The following PLCE1 variants were observed in gnomAD, a reference collection of about 807,000 sequenced individuals.
The protein encoded by PLCE1 is 1-phosphatidylinositol 4,5-bisphosphate phosphodiesterase epsilon-1.
PLCE1 carries 119 observed loss-of-function variants against 242.8 expected under a neutral mutation model. That is an observed-to-expected ratio of 0.49 (90% CI 0.42 to 0.57). PLCE1 has a LOEUF of 0.57. PLCE1 is among the 20% of genes least tolerant of loss of function. The pLI is 0.00. For synonymous variants in PLCE1, 945 were observed against 1,017.4 expected, an observed-to-expected ratio of 0.93 and a Z score of 1.35; for missense variants, 2,441 against 2,788.8, an observed-to-expected ratio of 0.88 and a Z score of 2.81.
intron 1 of PLCE1, among the ~76,000 whole-genome samples, chr10:94,023,473 A>G (rs1435674785): frequency 6.6e-6 from 1 of 152,182 alleles, no homozygotes; most frequent in Non-Finnish European, 1.5e-5. Flanking sequence ...ACAATGAAGG[A>G]GAGGGAGTCC....
chr10:94,245,816 T>C (rs1463176390), intron 7 of PLCE1, 130 bp from the exon 8 acceptor site: 1 of 779,428 alleles, frequency 1.3e-6, no homozygotes, highest in African/African-American at 1.7e-5. Flanking sequence ...TGCTATTTAG[T>C]ATTTTGTATT....
At chr10:94,061,182 CAG>C (rs1179147382) in intron 2 of PLCE1, among the ~76,000 whole-genome samples, 11 of 152,136 alleles carry the variant, frequency 7.2e-5, no homozygotes, top group Non-Finnish European at 4.4e-5. Context: ...TCTTCCTGAT[CAG>C]AGAGAACTTT....
At position 94,246,232 on chromosome 10, in the gene PLCE1, A is replaced by C. The variant is rs757617776; in HGVS notation, c.2707A>C (p.Ser903Arg). 3 of 1,614,070 alleles carry C rather than the reference A, an allele frequency of 1.9e-6. No homozygotes were observed. Among genetic ancestry groups the C allele is most frequent in the Non-Finnish European group, 2.5e-6 (3 of 1,180,018 alleles). Residue 903 changes from serine to arginine, a missense_variant, in exon 8 of 33, where the codon AGC becomes CGC. This residue lies in a region of PLCE1 where 733 missense variants were observed against 754.2 expected (regional missense o/e 0.97). Coordinates refer to ENST00000371380, the MANE Select transcript of PLCE1 (RefSeq NM_016341.4). ...WVKPTTASPA[S>R]SKAKLGVLNN... ...AAAGCCCACAACTGCCTCCCCAGCC[A>C]GCAGTAAAGCAAAACTTGGTGTACT...
At chr10:94,051,962 G>A (rs1037699194) in intron 2 of PLCE1, among the ~76,000 whole-genome samples, 3 of 152,208 alleles carry the variant, frequency 2.0e-5, no homozygotes, top group African/African-American at 7.2e-5. Flanking sequence ...TGAACAAACA[G>A]TTCATTGGTT....
chr10:94,224,710 G>C (rs2049880110), intron 4 of PLCE1, among the ~76,000 whole-genome samples: 1 of 152,250 alleles, frequency 6.6e-6, no homozygotes, highest in Non-Finnish European at 1.5e-5. Flanking sequence ...TCAAAAGCCA[G>C]TCAGACTAAA....
intron 3 of PLCE1, among the ~76,000 whole-genome samples, chr10:94,132,884 A>G (rs538391397): frequency 5.3e-4 from 76 of 143,424 alleles, no homozygotes; most frequent in African/African-American, 1.9e-3. Context: ...TGAGAGGTGG[A>G]GCTTGCAGTG....
chr10:94,215,367 C>T lies in PLCE1; in HGVS notation c.1810-11939C>T, dbSNP rs949790078. The stretch of plus-strand genomic sequence containing the variant: ...CACTTATGTCACTTGTGCTGGGAAA[C>T]AGATGAGTAAAACAATGCCTGCATC... On this transcript the variant is annotated intron_variant, in intron 4 of 32. Transcript: ENST00000371380. Among the ~76,000 whole-genome samples, 6 of 152,320 alleles carry T rather than the reference C, an allele frequency of 3.9e-5. No individual in the cohort carries two copies. In the East Asian group the frequency reaches 1.2e-3, roughly 29 times the overall value.
chr10:94,287,744 G>A (rs1564864386), intron 22 of PLCE1, among the ~76,000 whole-genome samples: 2 of 151,794 alleles, frequency 1.3e-5, no homozygotes, highest in African/African-American at 4.8e-5. Flanking sequence ...AAAAAAAAAG[G>A]ATATGGTATT....
chr10:94,225,057 G>A (rs904969418), intron 4 of PLCE1: 4 of 152,270 alleles, frequency 2.6e-5, no homozygotes, highest in African/African-American at 9.6e-5. Context: ...CTGAGCTTGA[G>A]GGTGGCAGGT....
At chr10:94,277,994 A>G (rs1216020589) in intron 19 of PLCE1, among the ~76,000 whole-genome samples, 1 of 152,098 alleles carries the variant, frequency 6.6e-6, no homozygotes, top group African/African-American at 2.4e-5. Context: ...ATTAACACCC[A>G]CCGAGCTCCA....
chr10:94,196,987 C>T (rs775056829), intron 4 of PLCE1, among the ~76,000 whole-genome samples: 2 of 152,186 alleles, frequency 1.3e-5, no homozygotes, highest in Non-Finnish European at 2.9e-5. Flanking sequence ...CTAGCAGTCA[C>T]TCCCCATTCC....
intron 1 of PLCE1, among the ~76,000 whole-genome samples, chr10:93,996,418 G>A (rs564228170): frequency 6.6e-5 from 10 of 152,198 alleles, no homozygotes; most frequent in South Asian, 6.2e-4. Context: ...AGGTGATTAG[G>A]AAACATGGTG....
rs199850622 is a variant in PLCE1 at position 94,191,642 on chromosome 10, G to GA, written c.1809+20155dup. On this transcript the variant is annotated intron_variant, in intron 4 of 32. Transcript: ENST00000371380. ...GGGAACAGAGTGAGACCCTTTCTCA[G>GA]AAAAAAAAAGTGGGGGATAAGGAAA... Among the ~76,000 whole-genome samples, 596 of 149,658 alleles carry GA rather than the reference G, an allele frequency of 4.0e-3. 2 individuals are homozygous for GA. The highest frequency in any genetic ancestry group is 0.011 in the African/African-American group (456 of 40,866).
At chr10:94,079,800 G>C (rs1179786212) in intron 2 of PLCE1, among the ~76,000 whole-genome samples, 1 of 152,142 alleles carries the variant, frequency 6.6e-6, no homozygotes, top group East Asian at 1.9e-4. Context: ...TTTTTTAGCT[G>C]TTGCTGACAT....
At chr10:94,171,869 T>A (rs369509003) in intron 4 of PLCE1, among the ~76,000 whole-genome samples, 1 of 152,110 alleles carries the variant, frequency 6.6e-6, no homozygotes, top group African/African-American at 2.4e-5. Flanking sequence ...GACAGCATGA[T>A]CCCTGACCAC....
In PLCE1 at chr10:94,045,088, A is replaced by G. The variant is rs1046320733; in HGVS notation, c.1206+12836A>G. Reference sequence around the variant, plus strand: ...CAATAATAGCTCACTGCAGTCTGGAACTCCTGGGCTCAAGCAGTCCTCCTG... The same window carrying G: ...CAATAATAGCTCACTGCAGTCTGGAGCTCCTGGGCTCAAGCAGTCCTCCTG... On this transcript the variant is annotated intron_variant, in intron 2 of 32. Transcript: ENST00000371380. Among the ~76,000 whole-genome samples the G allele has an allele frequency of 3.3e-5, 5 of 152,146 alleles. No individual in the cohort carries two copies. In the South Asian group the frequency reaches 6.2e-4, roughly 19 times the overall value.
At chr10:94,033,248 A>T (rs74149562) in intron 2 of PLCE1, among the ~76,000 whole-genome samples, 1 of 152,170 alleles carries the variant, frequency 6.6e-6, no homozygotes, top group African/African-American at 2.4e-5. Flanking sequence ...CCTTATATTC[A>T]TAAGTATAGA....
intron 4 of PLCE1, among the ~76,000 whole-genome samples, chr10:94,223,509 C>T (rs370730225): frequency 1.4e-4 from 21 of 152,106 alleles, no homozygotes; most frequent in Admixed American, 3.9e-4. Context: ...GCATGTGTGA[C>T]ACCAATAAGG....
chr10:94,249,068 CAG>C (rs2050785640), intron 8 of PLCE1, among the ~76,000 whole-genome samples: 1 of 152,150 alleles, frequency 6.6e-6, no homozygotes, highest in Admixed American at 6.6e-5. Flanking sequence ...CACCCCTGCA[CAG>C]AACCAAGATG....
Sources: allele counts gnomAD v4.1 joint callset (sites outside exome capture counted in the v4.1 genomes callset), GRCh38; gene constraint gnomAD v4.1.1; regional missense constraint gnomAD v4.1.1; transcripts MANE v1.5; gene names NCBI Gene and HGNC (gene_info 2026-07-23, HGNC 2026-07-21).